Variants in NTM observed in about 807,000 individuals in gnomAD.
The protein encoded by NTM is neurotrimin.
In NTM, 13 loss-of-function variants were observed where a neutral mutation model predicts 42.1. The observed-to-expected ratio is 0.31, with a 90% CI of 0.20 to 0.49. The LOEUF (loss-of-function observed/expected upper bound fraction) is 0.49. NTM is among the 20% of genes least tolerant of loss of function. The probability of loss-of-function intolerance (pLI) is 0.99; values close to 1 mark genes in which losing one functional copy is unlikely to be tolerated. For missense variants in NTM, 373 were observed against 452.8 expected (o/e 0.82, Z 1.60); for synonymous variants, 187 against 179.2 (o/e 1.04, Z -0.35).
chr11:131,621,444 C>T (rs2062531372), intron 1 of NTM, among the ~76,000 whole-genome samples: 2 of 151,882 alleles, frequency 1.3e-5, no homozygotes, highest in Admixed American at 1.3e-4. Context: ...TGGCCAAATA[C>T]AAGGGCAAGT....
chr11:131,748,879 G>T (rs546552438), intron 1 of NTM, among the ~76,000 whole-genome samples: 2 of 152,148 alleles, frequency 1.3e-5, no homozygotes, highest in Non-Finnish European at 2.9e-5. Flanking sequence ...AGTGCCAGGC[G>T]GCCCTGCTTT....
chr11:131,552,199 A>T (rs2054765896), intron 1 of NTM, among the ~76,000 whole-genome samples: 1 of 152,162 alleles, frequency 6.6e-6, no homozygotes, highest in Non-Finnish European at 1.5e-5. Context: ...AGAGAGAGGA[A>T]GAGAGAACAG....
chr11:132,192,754 A>C (rs1192158474), intron 3 of NTM, among the ~76,000 whole-genome samples: 2 of 152,156 alleles, frequency 1.3e-5, no homozygotes, highest in African/African-American at 4.8e-5. Context: ...CCGTTGAGAG[A>C]TATATCTCAT....
chr11:131,970,121 T>C (rs1010786516), intron 2 of NTM, among the ~76,000 whole-genome samples: 2 of 152,184 alleles, frequency 1.3e-5, no homozygotes, highest in African/African-American at 2.4e-5. Flanking sequence ...ATAATTCTTA[T>C]ATAAAGGCAA....
intron 2 of NTM, among the ~76,000 whole-genome samples, chr11:132,103,836 A>C (rs2061930590): frequency 6.6e-6 from 1 of 152,214 alleles, no homozygotes; most frequent in South Asian, 2.1e-4. Context: ...GGTGCAGATG[A>C]AAATGCAGAG....
At chr11:131,647,967 A>G (rs1398063148) in intron 1 of NTM, among the ~76,000 whole-genome samples, 3 of 152,174 alleles carry the variant, frequency 2.0e-5, no homozygotes, top group African/African-American at 7.2e-5. Context: ...GACAAAGCCT[A>G]GTACCCAATA....
intron 1 of NTM, among the ~76,000 whole-genome samples, chr11:131,503,512 A>G: frequency 6.7e-6 from 1 of 149,166 alleles, no homozygotes. Context: ...AGTCCACTTC[A>G]TATTTGAGGT....
At chr11:131,546,342 C>A (rs1448367) in intron 1 of NTM, among the ~76,000 whole-genome samples, 9,680 of 152,278 alleles carry the variant, frequency 0.064, 1,038 homozygotes, top group African/African-American at 0.22. Flanking sequence ...ATCCTTGATA[C>A]AAACAAGGTT....
chr11:132,196,191 A>G (rs577844823), intron 3 of NTM, among the ~76,000 whole-genome samples: 104 of 152,030 alleles, frequency 6.8e-4, no homozygotes, highest in African/African-American at 2.1e-3. Context: ...AATATATGGG[A>G]AAAAAAAGCT....
intron 2 of NTM, among the ~76,000 whole-genome samples, chr11:131,912,002 C>G (rs1435826522): frequency 6.6e-6 from 1 of 152,152 alleles, no homozygotes; most frequent in East Asian, 1.9e-4. Flanking sequence ...TGGAGGGGCT[C>G]CCCGCGAGCA....
intron 4 of NTM, among the ~76,000 whole-genome samples, chr11:132,292,954 C>A (rs2094499537): frequency 6.6e-6 from 1 of 151,858 alleles, no homozygotes. Flanking sequence ...AGAGGTGGTT[C>A]AGTTTCTGAC....
chr11:131,736,273 T>C (rs1194025402), intron 1 of NTM, among the ~76,000 whole-genome samples: 1 of 152,204 alleles, frequency 6.6e-6, no homozygotes, highest in African/African-American at 2.4e-5. Flanking sequence ...AGCTACTTGG[T>C]ATCCAAAATG....
chr11:131,744,812 A>G (rs940180292), intron 1 of NTM, among the ~76,000 whole-genome samples: 1 of 152,154 alleles, frequency 6.6e-6, no homozygotes, highest in African/African-American at 2.4e-5. Flanking sequence ...AGATGCTCAA[A>G]TCCCAGTTGT....
chr11:131,920,994 G>A (rs2057141086), intron 2 of NTM, among the ~76,000 whole-genome samples: 1 of 152,076 alleles, frequency 6.6e-6, no homozygotes, highest in African/African-American at 2.4e-5. Context: ...CTGTCAGGAG[G>A]GCTCAATCCA....
At chr11:132,317,405 A>G (rs2095457557) in intron 7 of NTM, among the ~76,000 whole-genome samples, 1 of 152,170 alleles carries the variant, frequency 6.6e-6, no homozygotes, top group South Asian at 2.1e-4. Flanking sequence ...GCACCAGAAT[A>G]TGTATGGCGT....
chr11:131,857,313 C>G (rs2046202109), intron 1 of NTM, among the ~76,000 whole-genome samples: 1 of 152,200 alleles, frequency 6.6e-6, no homozygotes, highest in African/African-American at 2.4e-5. Context: ...TGATTCCCTT[C>G]CCCGAATATG....
At chr11:131,819,708 A>C (rs1315400553) in intron 1 of NTM, among the ~76,000 whole-genome samples, 3 of 152,008 alleles carry the variant, frequency 2.0e-5, no homozygotes. Flanking sequence ...CCCAGGAGTC[A>C]CTCTGGAGCC....
chr11:131,515,463 C>G (rs2048782934), intron 1 of NTM, among the ~76,000 whole-genome samples: 1 of 152,148 alleles, frequency 6.6e-6, no homozygotes, highest in African/African-American at 2.4e-5. Flanking sequence ...CTATCCTCCC[C>G]CAGCATGAAC....
At chr11:131,665,849 C>G (rs540461682) in intron 1 of NTM, among the ~76,000 whole-genome samples, 1 of 152,294 alleles carries the variant, frequency 6.6e-6, no homozygotes, top group East Asian at 1.9e-4. Flanking sequence ...TTGTCAAGTT[C>G]CCATGTTGAT....
Sources: allele counts gnomAD v4.1 joint callset (sites outside exome capture counted in the v4.1 genomes callset), GRCh38; gene constraint gnomAD v4.1.1; transcripts MANE v1.5; gene names NCBI Gene and HGNC (gene_info 2026-07-23, HGNC 2026-07-21).